Variants in KALRN observed in about 807,000 individuals in gnomAD.
KALRN encodes the protein kalirin RhoGEF kinase.
A neutral mutation model predicts 353.7 loss-of-function variants in KALRN; 70 were observed. The observed-to-expected ratio is 0.20, with a 90% CI of 0.16 to 0.24. The LOEUF is 0.24. Ranked by LOEUF, KALRN falls within the 10% of genes least tolerant of loss-of-function variation. The probability of loss-of-function intolerance (pLI) is 1.00; values close to 1 mark genes in which losing one functional copy is unlikely to be tolerated. For missense variants in KALRN, 2,791 were observed against 3,756.7 expected (o/e 0.74, Z 6.72); for synonymous variants, 1,391 against 1,434.8 (o/e 0.97, Z 0.69).
chr3:124,642,081 A>G (rs1429443725), intron 37 of KALRN, among the ~76,000 whole-genome samples: 6 of 152,194 alleles, frequency 3.9e-5, no homozygotes, highest in Admixed American at 1.3e-4. Context: ...TAGGAGTTCA[A>G]GACCAGCCTA....
At chr3:124,560,429 A>G (rs1363060334) in intron 33 of KALRN, among the ~76,000 whole-genome samples, 5 of 152,242 alleles carry the variant, frequency 3.3e-5, no homozygotes, top group Non-Finnish European at 5.9e-5. Flanking sequence ...CTAGGCCGGC[A>G]TTCTACAGAG....
chr3:124,150,390 T>A lies in KALRN; in HGVS notation c.74-77600T>A, dbSNP rs189892921. Among the ~76,000 whole-genome samples, 223 of 152,352 alleles carry A rather than the reference T, an allele frequency of 1.5e-3. 1 individual carries two copies. Among genetic ancestry groups the A allele is most frequent in the South Asian group, 6.0e-3 (29 of 4,830 alleles). ...TTTCTTAAGGAATGTTCAAGTTTTTTAAATTATTATTATACTTTAAGTTCT... is the reference window on the plus strand; with the variant it reads ...TTTCTTAAGGAATGTTCAAGTTTTTAAAATTATTATTATACTTTAAGTTCT... On this transcript the variant is annotated intron_variant, in intron 1 of 59. Coordinates refer to ENST00000682506, the MANE Select transcript of KALRN (RefSeq NM_001388419.1).
intron 6 of KALRN, among the ~76,000 whole-genome samples, chr3:124,312,347 G>A (rs1044219232): frequency 5.3e-5 from 8 of 152,148 alleles, no homozygotes; most frequent in Admixed American, 5.2e-4. Context: ...TTTTAGTAGA[G>A]ATGGGGTTTC....
At chr3:124,527,632 T>C (rs762780182) in intron 33 of KALRN, among the ~76,000 whole-genome samples, 15 of 151,376 alleles carry the variant, frequency 9.9e-5, no homozygotes, top group Admixed American at 2.0e-4. Context: ...AGAAGAAGCA[T>C]TGGGGAGAAG....
intron 10 of KALRN, among the ~76,000 whole-genome samples, chr3:124,373,378 A>T (rs1159646746): frequency 6.6e-6 from 1 of 152,214 alleles, no homozygotes; most frequent in African/African-American, 2.4e-5. Context: ...TCCTGTGGGT[A>T]GATTCCAGGG....
At chr3:124,632,058 C>T (rs1246471356) in intron 34 of KALRN, among the ~76,000 whole-genome samples, 3 of 152,210 alleles carry the variant, frequency 2.0e-5, no homozygotes, top group Admixed American at 6.5e-5. Flanking sequence ...AATCCCTTCC[C>T]GTACTTTGTG....
chr3:124,085,689 A>C (rs2060779467), intron 1 of KALRN, among the ~76,000 whole-genome samples: 1 of 152,240 alleles, frequency 6.6e-6, no homozygotes, highest in Non-Finnish European at 1.5e-5. Context: ...GATTTGAGCC[A>C]CTACTTTAGT....
chr3:124,356,440 TC>T (rs2083429035), intron 10 of KALRN, among the ~76,000 whole-genome samples: 3 of 151,662 alleles, frequency 2.0e-5, no homozygotes, highest in Admixed American at 6.6e-5. Context: ...TTCAAGTGAT[TC>T]TCCTGCCTCA....
chr3:124,259,374 G>A (rs965924845), intron 3 of KALRN, among the ~76,000 whole-genome samples: 1 of 152,206 alleles, frequency 6.6e-6, no homozygotes, highest in Non-Finnish European at 1.5e-5. Context: ...TCTTGGAACT[G>A]GAGAAAAGGC....
chr3:124,468,814 A>T (rs994136896), intron 25 of KALRN, among the ~76,000 whole-genome samples: 1 of 152,228 alleles, frequency 6.6e-6, no homozygotes, highest in African/African-American at 2.4e-5. Context: ...CCAAACGCAC[A>T]CTTGAAGAGG....
chr3:124,351,572 A>G (rs928733755), intron 10 of KALRN, among the ~76,000 whole-genome samples: 8 of 152,170 alleles, frequency 5.3e-5, no homozygotes, highest in African/African-American at 1.9e-4. Flanking sequence ...AGCCCTCAAC[A>G]GAGGGAATGG....
intron 4 of KALRN, among the ~76,000 whole-genome samples, chr3:124,265,298 C>CTGTTTTTTTTTTTTT (rs2073375067): frequency 1.4e-5 from 1 of 73,122 alleles, no homozygotes; most frequent in Non-Finnish European, 2.7e-5. Flanking sequence ...AGAAAATATT[C>CTGTTTTTTTTTTTTT]TTTTTTTTTT....
At chr3:124,492,611 G>A in intron 31 of KALRN, 129 bp from the exon 32 acceptor site, 2 of 970,310 alleles carry the variant, frequency 2.1e-6, no homozygotes, top group Non-Finnish European at 3.0e-6. Context: ...AGTATGAAAT[G>A]AGAAATAAAC....
At chr3:124,190,010 C>CAAA (rs1371344641) in intron 1 of KALRN, among the ~76,000 whole-genome samples, 2 of 151,060 alleles carry the variant, frequency 1.3e-5, no homozygotes, top group Non-Finnish European at 2.9e-5. Flanking sequence ...TCACAGTTCA[C>CAAA]AAAGTACTTT....
At chr3:124,581,948 G>A (rs1258000236) in intron 34 of KALRN, among the ~76,000 whole-genome samples, 1 of 152,056 alleles carries the variant, frequency 6.6e-6, no homozygotes, top group East Asian at 1.9e-4. Flanking sequence ...ATTCAGTCTG[G>A]CAAAATGAGA....
intron 1 of KALRN, among the ~76,000 whole-genome samples, chr3:124,181,076 C>CAAAAAAAAAAAAAAAAAAAAA (rs60579271): frequency 2.0e-4 from 11 of 55,280 alleles, no homozygotes; most frequent in African/African-American, 6.7e-4. Context: ...ACTAAAAATA[C>CAAAAAAAAAAAAAAAAAAAAA]AAAAAAAAAA....
rs144148511 is a variant in KALRN, at chr3:124,598,500, T to C, written c.5183-33920T>C. On this transcript the variant is annotated intron_variant, in intron 34 of 59. Transcript: ENST00000682506. ...GCCTTGCTGGAGGCCTCCTGACTCCTGGTCCCCTCAATAATCAGAAATCTA... is the reference window on the plus strand; with the variant it reads ...GCCTTGCTGGAGGCCTCCTGACTCCCGGTCCCCTCAATAATCAGAAATCTA... Among the ~76,000 whole-genome samples the C allele has an allele frequency of 2.4e-3, 364 of 152,322 alleles. 5 individuals carry two copies. Among genetic ancestry groups the C allele is most frequent in the African/African-American group, 8.4e-3 (349 of 41,588 alleles).
chr3:124,511,917 A>G (rs1377830100), intron 33 of KALRN, among the ~76,000 whole-genome samples: 1 of 152,104 alleles, frequency 6.6e-6, no homozygotes, highest in Admixed American at 6.5e-5. Flanking sequence ...CTGGTTTGCT[A>G]TTGTTTCTCA....
chr3:124,513,966 CA>C (rs1253919167), intron 33 of KALRN, among the ~76,000 whole-genome samples: 1 of 152,146 alleles, frequency 6.6e-6, no homozygotes, highest in Admixed American at 6.5e-5. Flanking sequence ...CATCTAGATT[CA>C]AAAGGAGACC....
Sources: gnomAD v4.1 joint callset for allele counts (sites outside exome capture counted in the v4.1 genomes callset) on GRCh38, gnomAD v4.1.1 for gene constraint, MANE v1.5 for transcripts, NCBI Gene and HGNC (gene_info 2026-07-23, HGNC 2026-07-21) for gene names.